The following PTPRG variants were observed in gnomAD, a reference collection of about 807,000 sequenced individuals.
PTPRG encodes the protein receptor-type tyrosine-protein phosphatase gamma.
Under a neutral mutation model 165.3 loss-of-function variants are expected in PTPRG, and 102 were observed. That is an observed-to-expected ratio of 0.62 (90% CI 0.53 to 0.73). The LOEUF (loss-of-function observed/expected upper bound fraction) is 0.73. Among genes scored for constraint, PTPRG ranks in the 30% least tolerant of loss-of-function variants. The probability of loss-of-function intolerance (pLI) is 0.00; values close to 1 mark genes in which losing one functional copy is unlikely to be tolerated. For synonymous variants in PTPRG, 675 were observed against 669.5 expected (o/e 1.01, Z -0.13); for missense variants, 1,866 against 1,861.4 (o/e 1.00, Z -0.05).
chr3:61,623,722 A>G (rs1260988077), intron 1 of PTPRG, among the ~76,000 whole-genome samples: 1 of 152,238 alleles, frequency 6.6e-6, no homozygotes, highest in Non-Finnish European at 1.5e-5. Context: ...TAGGCCTTCT[A>G]TAATTGAAAA....
chr3:61,743,746 C>T (rs2033092932), intron 1 of PTPRG, among the ~76,000 whole-genome samples: 1 of 152,206 alleles, frequency 6.6e-6, no homozygotes, highest in African/African-American at 2.4e-5. Context: ...TATATGTGTG[C>T]ATAACACCAT....
intron 1 of PTPRG, among the ~76,000 whole-genome samples, chr3:61,619,106 G>A (rs546022277): frequency 2.2e-4 from 34 of 151,986 alleles, no homozygotes; most frequent in African/African-American, 7.7e-4. Flanking sequence ...ACAGTGAACC[G>A]TGATCATGCC....
chr3:61,889,724 C>T (rs1046705826), intron 2 of PTPRG, among the ~76,000 whole-genome samples: 1 of 152,194 alleles, frequency 6.6e-6, no homozygotes, highest in African/African-American at 2.4e-5. Flanking sequence ...GATGGCATCA[C>T]ACTCTTCCCC....
chr3:62,139,520 C>T (rs769517226), intron 6 of PTPRG, among the ~76,000 whole-genome samples: 10 of 152,154 alleles, frequency 6.6e-5, no homozygotes, highest in Non-Finnish European at 1.3e-4. Context: ...AAATCTTCTG[C>T]TGGTCAGAGC....
At chr3:61,945,144 G>A (rs1237593606) in intron 2 of PTPRG, among the ~76,000 whole-genome samples, 1 of 152,144 alleles carries the variant, frequency 6.6e-6, no homozygotes, top group South Asian at 2.1e-4. Context: ...AGTAAGTGTT[G>A]TAAGGTATAT....
chr3:62,283,014 T>A, intron 28 of PTPRG, 145 bp downstream of exon 28: 1 of 712,072 alleles, frequency 1.4e-6, no homozygotes, highest in Non-Finnish European at 2.3e-6. Flanking sequence ...ACTGTGGACA[T>A]GTACAAAGTG....
intron 2 of PTPRG, among the ~76,000 whole-genome samples, chr3:61,979,832 T>C (rs1455591335): frequency 6.6e-6 from 1 of 152,172 alleles, no homozygotes; most frequent in Non-Finnish European, 1.5e-5. Flanking sequence ...GAGTTAATCA[T>C]CCTGTCTGCA....
chr3:61,819,956 C>T (rs578235797), intron 2 of PTPRG, among the ~76,000 whole-genome samples: 30 of 151,916 alleles, frequency 2.0e-4, no homozygotes, highest in East Asian at 1.2e-3. Flanking sequence ...TTTTTAGGAA[C>T]GGATCATTCA....
intron 2 of PTPRG, among the ~76,000 whole-genome samples, chr3:61,751,926 G>T (rs1200082297): frequency 6.6e-6 from 1 of 152,074 alleles, no homozygotes; most frequent in Non-Finnish European, 1.5e-5. Context: ...CCGGGAGGCG[G>T]AGCTTGCAGT....
chr3:61,595,395 C>T (rs973476180), intron 1 of PTPRG, among the ~76,000 whole-genome samples: 9 of 152,184 alleles, frequency 5.9e-5, no homozygotes, highest in Admixed American at 2.6e-4. Context: ...TAAGATGTCT[C>T]TTCTTACAGC....
chr3:61,622,725 T>C (rs1417642143), intron 1 of PTPRG, among the ~76,000 whole-genome samples: 1 of 152,210 alleles, frequency 6.6e-6, no homozygotes, highest in African/African-American at 2.4e-5. Flanking sequence ...CCTTCAGTAA[T>C]AGTCTTACCT....
chr3:61,715,391 ATTT>A (rs2031760159), intron 1 of PTPRG, among the ~76,000 whole-genome samples: 1 of 151,094 alleles, frequency 6.6e-6, no homozygotes, highest in Non-Finnish European at 1.5e-5. Context: ...TGATTTTTGT[ATTT>A]TTTCTGTAGA....
At chr3:62,054,470 G>A (rs1003980294) in intron 4 of PTPRG, among the ~76,000 whole-genome samples, 2 of 152,134 alleles carry the variant, frequency 1.3e-5, no homozygotes, top group African/African-American at 4.8e-5. Context: ...TCTAACACTG[G>A]TTGGGGCCTC....
intron 1 of PTPRG, among the ~76,000 whole-genome samples, chr3:61,730,921 G>A (rs983755308): frequency 6.6e-6 from 1 of 152,162 alleles, no homozygotes; most frequent in Non-Finnish European, 1.5e-5. Flanking sequence ...GATTCATTTG[G>A]CTATGCTTTT....
chr3:61,653,466 AT>A (rs11320461), intron 1 of PTPRG, among the ~76,000 whole-genome samples: 146,266 of 149,454 alleles, frequency 0.98, 71,641 homozygotes, highest in East Asian at 1. Context: ...ATTTGTTTTC[AT>A]TTTTTTTTTT....
intron 1 of PTPRG, among the ~76,000 whole-genome samples, chr3:61,574,960 T>C (rs1432383075): frequency 1.3e-5 from 2 of 152,156 alleles, no homozygotes; most frequent in Non-Finnish European, 2.9e-5. Flanking sequence ...CACCAAGCCA[T>C]TCGTGAGGGA....
intron 12 of PTPRG, among the ~76,000 whole-genome samples, chr3:62,216,193 CAG>C (rs1700499655): frequency 6.9e-6 from 1 of 145,254 alleles, no homozygotes; most frequent in Admixed American, 6.9e-5. Context: ...GCCTGGGTGA[CAG>C]AGTGAGACCC....
chr3:62,214,973 T>C lies in PTPRG; in HGVS notation c.2156-3878T>C, dbSNP rs1023741132. ...ACTGAAGGATCAATAAGATGAATTC[T>C]GGCATCAGGAAAGGAAAGGCACTCC... is the stretch of plus-strand genomic sequence containing the variant. On this transcript the variant is annotated intron_variant, in intron 12 of 29. Transcript: ENST00000474889. This position sits in a 1 kb window ranked among gnomAD's most constrained non-coding sequence, Gnocchi z 5.2. Among the ~76,000 whole-genome samples, 5 of 152,186 alleles carry C rather than the reference T, an allele frequency of 3.3e-5. No individual in the cohort carries two copies. Among genetic ancestry groups the C allele is most frequent in the Non-Finnish European group, 7.4e-5 (5 of 68,026 alleles).
intron 4 of PTPRG, among the ~76,000 whole-genome samples, chr3:62,018,912 G>A (rs151243636): frequency 2.6e-5 from 4 of 152,198 alleles, no homozygotes; most frequent in Admixed American, 1.3e-4. Flanking sequence ...TAGAGGAAAT[G>A]ATTGGAATGG....
Sources: gnomAD v4.1 joint callset for allele counts (sites outside exome capture counted in the v4.1 genomes callset) on GRCh38, gnomAD v4.1.1 for gene constraint, Gnocchi (gnomAD v3.1) non-coding constraint, MANE v1.5 for transcripts, NCBI Gene and HGNC (gene_info 2026-07-23, HGNC 2026-07-21) for gene names.